Variants in TMEM9 observed in about 807,000 individuals in gnomAD.
TMEM9 encodes the protein proton-transporting V-type ATPase complex assembly regulator TMEM9.
Under a neutral mutation model 22.8 loss-of-function variants are expected in TMEM9, and 13 were observed. The ratio of observed to expected loss-of-function variants is 0.57; its 90% CI spans 0.37 to 0.91. The LOEUF (loss-of-function observed/expected upper bound fraction) is 0.91. TMEM9 is among the 40% of genes least tolerant of loss of function. The probability of loss-of-function intolerance (pLI) is 0.01; values close to 1 mark genes in which losing one functional copy is unlikely to be tolerated. For synonymous variants in TMEM9, 88 were observed against 93.0 expected (o/e 0.95, Z 0.31); for missense variants, 182 against 238.1 (o/e 0.76, Z 1.55).
intron 1 of TMEM9, among the ~76,000 whole-genome samples, chr1:201,161,855 A>T (rs1364709057): frequency 6.6e-6 from 1 of 152,224 alleles, no homozygotes; most frequent in Non-Finnish European, 1.5e-5. Context: ...ATTTTCCTCT[A>T]AATAAAATTC....
At chr1:201,168,012 C>T (rs1666118895) in intron 1 of TMEM9, among the ~76,000 whole-genome samples, 1 of 152,186 alleles carries the variant, frequency 6.6e-6, no homozygotes, top group Non-Finnish European at 1.5e-5. Context: ...TTAAATCATA[C>T]AGTAACTACT....
intron 1 of TMEM9, among the ~76,000 whole-genome samples, chr1:201,170,931 G>T (rs1046748271): frequency 6.6e-6 from 1 of 152,270 alleles, no homozygotes; most frequent in African/African-American, 2.4e-5. Flanking sequence ...TCCTCTGTGG[G>T]AGGTGGCGTC....
chr1:201,154,558 C>A (rs1665715779), upstream of TMEM9: 1 of 152,316 alleles, frequency 6.6e-6, no homozygotes, highest in African/African-American at 2.4e-5. Context: ...GCAACAAGAC[C>A]CGCCTTCACC....
At chr1:201,163,415 C>G (rs928172012) in intron 1 of TMEM9, among the ~76,000 whole-genome samples, 4 of 152,146 alleles carry the variant, frequency 2.6e-5, no homozygotes, top group Non-Finnish European at 4.4e-5. Flanking sequence ...CATGGCAAAA[C>G]CCCGTCTCTA....
At chr1:201,136,269 C>T (rs534074610) in intron 4 of TMEM9, among the ~76,000 whole-genome samples, 1 of 152,214 alleles carries the variant, frequency 6.6e-6, no homozygotes, top group African/African-American at 2.4e-5. Context: ...GTTGTTTCAG[C>T]AATGCACCGA....
At chr1:201,160,845 A>C (rs1665925479) in intron 1 of TMEM9, among the ~76,000 whole-genome samples, 1 of 151,666 alleles carries the variant, frequency 6.6e-6, no homozygotes, top group South Asian at 2.1e-4. Context: ...CTGAGGCAGG[A>C]GAATGGCGTG....
chr1:201,163,240 T>C (rs1458063862), intron 1 of TMEM9, among the ~76,000 whole-genome samples: 1 of 152,058 alleles, frequency 6.6e-6, no homozygotes, highest in African/African-American at 2.4e-5. Context: ...TGAACCATGG[T>C]CATGCCACTG....
intron 1 of TMEM9, among the ~76,000 whole-genome samples, chr1:201,152,066 C>T (rs1043486263): frequency 2.6e-5 from 4 of 152,142 alleles, no homozygotes; most frequent in African/African-American, 4.8e-5. Flanking sequence ...AGAAAAATGT[C>T]CAGATGGCAA....
chr1:201,137,692 A>C (rs147978468), intron 4 of TMEM9, among the ~76,000 whole-genome samples: 259 of 152,356 alleles, frequency 1.7e-3, no homozygotes, highest in African/African-American at 6.0e-3. Flanking sequence ...TGGCAAAGTT[A>C]AATAACACAC....
At chr1:201,157,405 G>C (rs1422228306), upstream of TMEM9, among the ~76,000 whole-genome samples, 1 of 152,166 alleles carries the variant, frequency 6.6e-6, no homozygotes, top group East Asian at 1.9e-4. Context: ...TTTTCTATGA[G>C]TGCAGCTGCC....
intron 1 of TMEM9, 80 bp downstream of exon 1, chr1:201,153,778 G>T: frequency 3.1e-6 from 5 of 1,597,696 alleles, no homozygotes; most frequent in Non-Finnish European, 4.3e-6. Flanking sequence ...GGAGCAGCTG[G>T]CTACCTCTGA....
intron 4 of TMEM9, among the ~76,000 whole-genome samples, chr1:201,140,780 T>C (rs1184995191): frequency 1.3e-5 from 2 of 152,166 alleles, no homozygotes; most frequent in African/African-American, 4.8e-5. Flanking sequence ...CTAGGCGAAC[T>C]TTCAAGGAAC....
chr1:201,153,746 G>A, intron 1 of TMEM9, 112 bp downstream of exon 1: 1 of 1,565,886 alleles, frequency 6.4e-7, no homozygotes, highest in Non-Finnish European at 8.7e-7. Flanking sequence ...ATGGCCCATA[G>A]GTGAGTGAGA....
At chr1:201,146,630 T>C (rs2102256263) in intron 3 of TMEM9, 110 bp downstream of exon 3, 4 of 1,178,392 alleles carry the variant, frequency 3.4e-6, no homozygotes, top group East Asian at 2.3e-5. Flanking sequence ...GCCAGTCTCA[T>C]AGCCATTGGG....
chr1:201,168,844 T>A (rs1342977160), intron 1 of TMEM9, among the ~76,000 whole-genome samples: 1 of 151,986 alleles, frequency 6.6e-6, no homozygotes, highest in African/African-American at 2.4e-5. Context: ...CAGGCTGGAG[T>A]ACAGAGGTGC....
rs1663933954 is a variant in TMEM9 at position 201,135,758 on chromosome 1, CTG to C, written c.455_456del (p.Thr152SerfsTer98). The C allele has an allele frequency of 1.9e-6, 3 of 1,613,576 alleles. No homozygotes were observed. The highest frequency in any genetic ancestry group is 1.1e-5 in the South Asian group (1 of 90,988). ...AASLGGPRAN[T>X]VLERVEGAQQ... ...TGGGCACCTTCCACACGCTCCAGGA[CTG>C]TGTTTGCTCGGGGTCCCCCGAGGGA... On this transcript the variant is annotated frameshift_variant, in exon 5 of 5. Transcript: ENST00000367330. LOFTEE classifies it high-confidence loss of function.
intron 4 of TMEM9, among the ~76,000 whole-genome samples, chr1:201,139,069 A>G (rs565502538): frequency 6.6e-6 from 1 of 152,324 alleles, no homozygotes; most frequent in East Asian, 1.9e-4. Flanking sequence ...AGCTGATCAA[A>G]CTAGCCCTGA....
chr1:201,153,684 T>A, intron 1 of TMEM9, 174 bp downstream of exon 1: 1 of 1,490,544 alleles, frequency 6.7e-7, no homozygotes, highest in Non-Finnish European at 9.1e-7. Context: ...ACCCGCACTA[T>A]CCTTAGGGAG....
chr1:201,141,859 C>A (rs1407133752), intron 4 of TMEM9, among the ~76,000 whole-genome samples: 2 of 152,156 alleles, frequency 1.3e-5, no homozygotes, highest in Non-Finnish European at 2.9e-5. Context: ...CCCCAAGCTG[C>A]CCTCCCTCTG....
Sources: gnomAD v4.1 joint callset for allele counts (sites outside exome capture counted in the v4.1 genomes callset) on GRCh38, gnomAD v4.1.1 for gene constraint, MANE v1.5 for transcripts, NCBI Gene and HGNC (gene_info 2026-07-23, HGNC 2026-07-21) for gene names.